The following FOXP2 variants were observed in gnomAD, a reference collection of about 807,000 sequenced individuals.
FOXP2 encodes forkhead box protein P2.
FOXP2 carries 12 observed loss-of-function variants against 115.8 expected under a neutral mutation model. The ratio of observed to expected loss-of-function variants is 0.10; its 90% CI spans 0.07 to 0.17. The LOEUF is 0.17. Among genes scored for constraint, FOXP2 ranks in the 10% least tolerant of loss-of-function variants. FOXP2 has a pLI of 1.00. For missense variants in FOXP2, 629 were observed against 843.5 expected (o/e 0.75, Z 3.15); for synonymous variants, 328 against 297.7 (o/e 1.10, Z -1.05).
intron 3 of FOXP2, among the ~76,000 whole-genome samples, chr7:114,621,491 A>G (rs557011367): frequency 2.0e-5 from 3 of 152,190 alleles, no homozygotes; most frequent in East Asian, 3.9e-4. Context: ...TTCACGAAAA[A>G]GTAATTGCTA....
chr7:114,551,005 A>G (rs1237633462), intron 3 of FOXP2, among the ~76,000 whole-genome samples: 1 of 152,118 alleles, frequency 6.6e-6, no homozygotes, highest in Non-Finnish European at 1.5e-5. Flanking sequence ...TTTTTGCTTG[A>G]TATTCCATAC....
chr7:114,651,397 G>T lies in FOXP2; in HGVS notation c.1095-806G>T, dbSNP rs150117561. On this transcript the variant is annotated intron_variant, in intron 8 of 16. Transcript: ENST00000350908. ...GACATTATGTATTACAAATTACAGA[G>T]TATATATTATTAAATGTTTTCATGT... Among the ~76,000 whole-genome samples the T allele has an allele frequency of 4.1e-4, 63 of 152,086 alleles. No individual in the cohort carries two copies. In the East Asian group the frequency reaches 9.5e-3, roughly 23 times the overall value.
chr7:114,489,833 A>T (rs1796952402), intron 2 of FOXP2, among the ~76,000 whole-genome samples: 1 of 152,136 alleles, frequency 6.6e-6, no homozygotes, highest in African/African-American at 2.4e-5. Flanking sequence ...AAGATGCTCC[A>T]CATTGTATGT....
chr7:114,131,751 A>T (rs909603710), intron 1 of FOXP2, among the ~76,000 whole-genome samples: 1 of 152,290 alleles, frequency 6.6e-6, no homozygotes, highest in African/African-American at 2.4e-5. Context: ...CATTCTCATA[A>T]AAAGGACTGA....
intron 16 of FOXP2, chr7:114,669,292 G>A (rs1486629138): frequency 6.6e-6 from 1 of 151,960 alleles, no homozygotes. Context: ...GTTAAAGCCA[G>A]GCGACATTGT....
intron 1 of FOXP2, among the ~76,000 whole-genome samples, chr7:114,169,769 G>A (rs761412708): frequency 2.6e-5 from 4 of 152,116 alleles, no homozygotes; most frequent in Non-Finnish European, 4.4e-5. Context: ...TAATTCCCAC[G>A]TGTTGTGGGA....
chr7:114,467,776 G>A (rs2129228350), intron 2 of FOXP2, among the ~76,000 whole-genome samples: 1 of 152,232 alleles, frequency 6.6e-6, no homozygotes, highest in South Asian at 2.1e-4. Flanking sequence ...TATTAATATT[G>A]TCATTTTTGA....
At chr7:114,244,881 C>T (rs1795239855) in intron 1 of FOXP2, among the ~76,000 whole-genome samples, 1 of 151,942 alleles carries the variant, frequency 6.6e-6, no homozygotes, top group Admixed American at 6.6e-5. Context: ...CCTGCCTCAG[C>T]CTCCCGAGTA....
chr7:114,522,334 T>A (rs187592559), intron 2 of FOXP2, among the ~76,000 whole-genome samples: 11 of 152,276 alleles, frequency 7.2e-5, no homozygotes, highest in Admixed American at 2.6e-4. Flanking sequence ...AGCCTGAGTT[T>A]CACTGTGGTA....
rs561734963 is a variant in FOXP2, at chr7:114,486,143, C to T, written c.169-48474C>T. On this transcript the variant is annotated intron_variant, in intron 2 of 16. Coordinates refer to ENST00000350908, the MANE Select transcript of FOXP2 (RefSeq NM_014491.4). ...CTCACACTGCTAATAAAGACATACC[C>T]GAGACTGGGTAATTTATAAAGTAAA... 5.9e-5 allele frequency among the ~76,000 whole-genome samples: 9 copies of T among 152,120 alleles called. No homozygotes were observed. The South Asian group carries it at 8.3e-4, about 14-fold the overall frequency.
At chr7:114,138,300 G>A (rs79012486) in intron 1 of FOXP2, among the ~76,000 whole-genome samples, 4,842 of 151,744 alleles carry the variant, frequency 0.032, 174 homozygotes, top group African/African-American at 0.089. Context: ...ACCTTCTTCA[G>A]CCAAATCCAG....
chr7:114,384,055 G>C (rs1792379168), intron 2 of FOXP2, among the ~76,000 whole-genome samples: 1 of 151,798 alleles, frequency 6.6e-6, no homozygotes. Flanking sequence ...TTTGTGCTCA[G>C]AGGTGAGTTC....
chr7:114,336,111 C>T (rs1344931525), intron 2 of FOXP2, among the ~76,000 whole-genome samples: 1 of 151,490 alleles, frequency 6.6e-6, no homozygotes, highest in African/African-American at 2.4e-5. Flanking sequence ...ACCTAATGGC[C>T]AGAATTTGGA....
intron 1 of FOXP2, among the ~76,000 whole-genome samples, chr7:114,148,655 G>A (rs1235190151): frequency 1.3e-5 from 2 of 152,168 alleles, no homozygotes; most frequent in Non-Finnish European, 2.9e-5. Flanking sequence ...TAAGAATGAA[G>A]TCAAGCAAAC....
At chr7:114,338,070 G>C (rs950711218) in intron 2 of FOXP2, among the ~76,000 whole-genome samples, 1 of 151,076 alleles carries the variant, frequency 6.6e-6, no homozygotes, top group African/African-American at 2.4e-5. Flanking sequence ...TGTTATTAAT[G>C]ATAGCATAGC....
chr7:114,378,728 A>G (rs1466606803), intron 2 of FOXP2, among the ~76,000 whole-genome samples: 2 of 149,616 alleles, frequency 1.3e-5, no homozygotes, highest in African/African-American at 2.4e-5. Flanking sequence ...GAAAGTGAAA[A>G]AGAAAATAGG....
chr7:114,678,349 T>C (rs1807886801), intron 16 of FOXP2, among the ~76,000 whole-genome samples: 1 of 152,044 alleles, frequency 6.6e-6, no homozygotes, highest in African/African-American at 2.4e-5. Context: ...GGGATACCTG[T>C]AAAATGAGAT....
At chr7:114,280,783 G>C (rs1796316179) in intron 1 of FOXP2, among the ~76,000 whole-genome samples, 1 of 152,130 alleles carries the variant, frequency 6.6e-6, no homozygotes, top group Non-Finnish European at 1.5e-5. Flanking sequence ...ATTCAGACAA[G>C]TGTGTCACTT....
intron 7 of FOXP2, 35 bp from the exon 8 acceptor site, chr7:114,644,650 T>G: frequency 2.2e-5 from 35 of 1,562,344 alleles, no homozygotes; most frequent in Non-Finnish European, 2.8e-5. Flanking sequence ...TATAGCTTTT[T>G]GAGATGAATC....
Sources: gnomAD v4.1 joint callset for allele counts (sites outside exome capture counted in the v4.1 genomes callset) on GRCh38, gnomAD v4.1.1 for gene constraint, MANE v1.5 for transcripts, NCBI Gene and HGNC (gene_info 2026-07-23, HGNC 2026-07-21) for gene names.